MACF1: variants seen among roughly 807,000 people sequenced by gnomAD.
MACF1 encodes the protein microtubule-actin cross-linking factor 1.
Under a neutral mutation model 854.8 loss-of-function variants are expected in MACF1, and 193 were observed. The observed-to-expected ratio is 0.23, with a 90% CI of 0.20 to 0.25. MACF1 has a LOEUF of 0.25. MACF1 is among the 10% of genes least tolerant of loss of function. MACF1 has a pLI of 1.00. For missense variants in MACF1, 7,722 were observed against 8,929.1 expected (o/e 0.86, Z 5.45); for synonymous variants, 3,185 against 3,226.7 (o/e 0.99, Z 0.44).
chr1:39,453,916 A>AT, intron 88 of MACF1, 66 bp downstream of exon 88: 1 of 1,493,732 alleles, frequency 6.7e-7, no homozygotes, highest in Non-Finnish European at 9.1e-7. Flanking sequence ...ATAGTATAGT[A>AT]TTTTTCCCCC....
In MACF1 at chr1:39,372,727, T is replaced by C. The variant is rs949036166; in HGVS notation, c.13213+131T>C. On this transcript the variant is annotated intron_variant, in intron 52 of 100. Transcript: ENST00000564288. ...AAAACAAAGGGCATGCCCAAAGCAG[T>C]CTTCCCCTGCAACCTGACCTGTCAC... 4.3e-5 allele frequency: 30 copies of C among 689,964 alleles called. No individual in the cohort carries two copies. The African/African-American group carries it at 5.3e-4, about 12-fold the overall frequency. 42.7% of individuals were successfully genotyped at this position (689,964 alleles called of 1,614,324 possible). A position where few individuals can be genotyped will look rare whatever the true frequency, so the allele number is the denominator to read the frequency against.
At chr1:39,229,827 CCCA>C (rs1644758792) in intron 1 of MACF1, among the ~76,000 whole-genome samples, 1 of 152,148 alleles carries the variant, frequency 6.6e-6, no homozygotes, top group African/African-American at 2.4e-5. Context: ...ACGTCCACCT[CCCA>C]GGTTCAAGTG....
chr1:39,292,710 A>G (rs961055649), intron 16 of MACF1, 56 bp from the exon 17 acceptor site: 11 of 1,235,318 alleles, frequency 8.9e-6, no homozygotes, highest in Non-Finnish European at 1.3e-5. Flanking sequence ...CAACCATAAC[A>G]CGTAGTTTAC....
intron 79 of MACF1, among the ~76,000 whole-genome samples, chr1:39,443,897 G>A (rs1644169795): frequency 6.6e-6 from 1 of 152,134 alleles, no homozygotes; most frequent in Admixed American, 6.5e-5. Context: ...ACTACTTAAG[G>A]GGGGTTTAGG....
chr1:39,174,404 G>A (rs1371745031), intron 2 of MACF1, among the ~76,000 whole-genome samples: 14 of 152,176 alleles, frequency 9.2e-5, no homozygotes, highest in Non-Finnish European at 2.9e-5. Context: ...CTGCTACTGT[G>A]TATGGCAAAT....
In MACF1 at chr1:39,441,411, G is replaced by T. The variant is rs1644114310; in HGVS notation, c.18672+86G>T. 9.3e-6 allele frequency: 10 copies of T among 1,069,560 alleles called. 1 individual carries two copies. Among genetic ancestry groups the T allele is most frequent in the Non-Finnish European group, 1.4e-5 (10 of 702,730 alleles). 66.3% of individuals were successfully genotyped at this position (1,069,560 alleles called of 1,614,324 possible). On this transcript the variant is annotated intron_variant, in intron 74 of 100. Transcript: ENST00000564288. ...ATTTTTGGAATTAAGCACAAAAGTG[G>T]ATCACCTTCACAGGACTGCAGACCT... is the stretch of plus-strand genomic sequence containing the variant.
chr1:39,350,985 A>G lies in MACF1; in HGVS notation c.11166A>G (p.Ala3722=), dbSNP rs776689599. Residue 3722 remains alanine, a synonymous_variant, in exon 43 of 101, where the codon GCA becomes GCG. Transcript: ENST00000564288. ...TRVAQKELEE[A]VTSALQQETE... ...TGGCCCAGAAGGAACTGGAGGAAGC[A>G]GTGACCTCCGCCTTACAGCAGGAGA... The G allele has an allele frequency of 1.2e-6, 2 of 1,614,054 alleles. No homozygotes were observed. The highest frequency in any genetic ancestry group is 1.7e-5 in the Admixed American group (1 of 60,002).
At chr1:39,264,100 G>A (rs933101997) in intron 6 of MACF1, among the ~76,000 whole-genome samples, 1 of 152,102 alleles carries the variant, frequency 6.6e-6, no homozygotes, top group Non-Finnish European at 1.5e-5. Flanking sequence ...CTAATTTAAT[G>A]TAAGTGGTGA....
intron 2 of MACF1, among the ~76,000 whole-genome samples, chr1:39,113,764 G>A (rs1461734742): frequency 2.0e-5 from 3 of 152,124 alleles, no homozygotes; most frequent in African/African-American, 7.2e-5. Context: ...GGCCAGGTAC[G>A]GTGGCTCACA....
intron 97 of MACF1, among the ~76,000 whole-genome samples, chr1:39,477,043 GTGTATATATATATATATATA>G (rs1349143173): frequency 1.3e-5 from 1 of 74,968 alleles, no homozygotes; most frequent in African/African-American, 5.4e-5. Flanking sequence ...TATACACTTA[GTGTATATATATATATATATA>G]TATATATATA....
At chr1:39,422,107 T>A (rs1643563059) in intron 58 of MACF1, among the ~76,000 whole-genome samples, 1 of 151,922 alleles carries the variant, frequency 6.6e-6, no homozygotes, top group Non-Finnish European at 1.5e-5. Flanking sequence ...AGCAACAGAT[T>A]TTAAAAAAAA....
intron 2 of MACF1, among the ~76,000 whole-genome samples, chr1:39,102,195 GA>G (rs1482356838): frequency 1.4e-4 from 3 of 22,024 alleles, no homozygotes; most frequent in African/African-American, 1.1e-3. Flanking sequence ...GAAAAAGAAA[GA>G]GAGAGAGAGA....
Position 39,293,498 on chromosome 1 carries a change from A to C in MACF1, c.2033A>C (p.His678Pro). 2.5e-6 allele frequency: 4 copies of C among 1,614,062 alleles called. No homozygotes were observed. Among genetic ancestry groups the C allele is most frequent in the Non-Finnish European group, 3.4e-6 (4 of 1,179,930 alleles). The change falls in exon 18 of 101, where the codon CAT becomes CCT. Residue 678 changes from histidine (H) to proline (P), a missense_variant. Physicochemically the swap from His to Pro is moderately conservative, Grantham distance 77. Coordinates refer to ENST00000564288, the MANE Select transcript of MACF1 (RefSeq NM_001394062.1). ...SFRMRHLQSL[H>P]KFVSRATAEL... ...CGGATGAGGCACCTTCAGAGCCTGC[A>C]TAAATTTGTTTCCAGAGCTACAGCT...
At chr1:39,426,754 A>C (rs1402267405) in intron 61 of MACF1, among the ~76,000 whole-genome samples, 3 of 151,432 alleles carry the variant, frequency 2.0e-5, no homozygotes, top group African/African-American at 7.3e-5. Flanking sequence ...TAAAGTCTGT[A>C]GTTTTTTTTG....
chr1:39,378,621 C>G lies in MACF1; in HGVS notation c.13276+98C>G, dbSNP rs1018399981. ...GTTGCAATATGTGGTGGAAGAACTG[C>G]TGCCAGAATGGGTGTGAGGATAAAA... is the stretch of plus-strand genomic sequence containing the variant. On this transcript the variant is annotated intron_variant, in intron 53 of 100. Coordinates refer to ENST00000564288, the MANE Select transcript of MACF1 (RefSeq NM_001394062.1). The G allele has an allele frequency of 2.0e-5, 23 of 1,175,554 alleles. No homozygotes were observed. The Admixed American group carries it at 3.7e-4, about 19-fold the overall frequency. The allele number at this position is 1,175,554 out of a possible 1,614,324, so 72.8% of individuals were successfully genotyped here. A position where few individuals can be genotyped will look rare whatever the true frequency, so the allele number is the denominator to read the frequency against.
At chr1:39,431,728 C>G (rs1384635765) in intron 66 of MACF1, among the ~76,000 whole-genome samples, 2 of 152,166 alleles carry the variant, frequency 1.3e-5, no homozygotes, top group Non-Finnish European at 2.9e-5. Context: ...AGTCCCAGCA[C>G]TTTGGGAGGC....
chr1:39,429,151 CTT>C (rs1643818369), intron 63 of MACF1, 89 bp from the exon 64 acceptor site: 1 of 665,358 alleles, frequency 1.5e-6, no homozygotes, highest in Admixed American at 2.6e-5. Context: ...GTATTCATCT[CTT>C]TACTTTAAAT....
intron 2 of MACF1, among the ~76,000 whole-genome samples, chr1:39,102,442 G>A (rs186147586): frequency 1.3e-5 from 2 of 149,650 alleles, no homozygotes; most frequent in East Asian, 2.0e-4. Context: ...GGCGGGGGGG[G>A]GGTCAAGGAA....
chr1:39,095,260 G>T (rs1641907011), intron 2 of MACF1, among the ~76,000 whole-genome samples: 1 of 152,048 alleles, frequency 6.6e-6, no homozygotes. Context: ...CATGATTATA[G>T]TCAGAAATGT....
Sources: gnomAD v4.1 joint callset for allele counts (sites outside exome capture counted in the v4.1 genomes callset) on GRCh38, gnomAD v4.1.1 for gene constraint, MANE v1.5 for transcripts, NCBI Gene and HGNC (gene_info 2026-07-23, HGNC 2026-07-21) for gene names.